Variants in SPIN1 observed in about 807,000 individuals in gnomAD.
The protein encoded by SPIN1 is spindlin-1.
In SPIN1, 3 loss-of-function variants were observed where a neutral mutation model predicts 26.0. The observed-to-expected ratio is 0.12, with a 90% CI of 0.05 to 0.30. The LOEUF is 0.30. Ranked by LOEUF, SPIN1 falls within the 10% of genes least tolerant of loss-of-function variation. SPIN1 has a pLI of 1.00. For missense variants in SPIN1, 126 were observed against 333.4 expected (o/e 0.38, Z 4.84); for synonymous variants, 101 against 116.5 (o/e 0.87, Z 0.86).
At chr9:88,428,749 A>T (rs1189018231) in intron 2 of SPIN1, among the ~76,000 whole-genome samples, 1 of 152,192 alleles carries the variant, frequency 6.6e-6, no homozygotes, top group Non-Finnish European at 1.5e-5. Context: ...CTTAAAGACA[A>T]AATAGGTTCT....
At chr9:88,470,302 C>A (rs1458547435) in intron 5 of SPIN1, among the ~76,000 whole-genome samples, 2 of 152,268 alleles carry the variant, frequency 1.3e-5, no homozygotes, top group South Asian at 2.1e-4. Context: ...TCTGTGTGGA[C>A]ATGTTTTATT....
At chr9:88,444,548 T>C (rs114434993) in intron 2 of SPIN1, among the ~76,000 whole-genome samples, 4,539 of 150,098 alleles carry the variant, frequency 0.03, 172 homozygotes, top group African/African-American at 0.095. Flanking sequence ...CGGCCCCCAT[T>C]CTGTTTTTAT....
At chr9:88,442,844 G>A (rs1828164161) in intron 2 of SPIN1, among the ~76,000 whole-genome samples, 1 of 152,112 alleles carries the variant, frequency 6.6e-6, no homozygotes, top group African/African-American at 2.4e-5. Flanking sequence ...AGTCTTAGCT[G>A]GGTATGGTGG....
At chr9:88,392,604 C>T (rs1419980320) in intron 1 of SPIN1, among the ~76,000 whole-genome samples, 4 of 151,664 alleles carry the variant, frequency 2.6e-5, no homozygotes, top group Non-Finnish European at 5.9e-5. Flanking sequence ...TCCTTCCTTC[C>T]CTCCTTCCTT....
At chr9:88,457,735 C>A in intron 3 of SPIN1, 1 of 700,026 alleles carries the variant, frequency 1.4e-6, no homozygotes, top group Non-Finnish European at 1.8e-6. Flanking sequence ...TAATTTGAGG[C>A]TTGCAAAAAT....
rs74745728 is a variant in SPIN1, at chr9:88,463,185, T to G, written c.355+436T>G. 7.4e-3 allele frequency among the ~76,000 whole-genome samples: 1,121 copies of G among 152,278 alleles called. 12 individuals are homozygous for G. The highest frequency in any genetic ancestry group is 0.025 in the African/African-American group (1,048 of 41,566). On this transcript the variant is annotated intron_variant, in intron 4 of 5. Transcript: ENST00000375859. ...TGATAATTGTACTTTGAGCCAAAAT[T>G]TAAACAACCAAAACGTGGTCTTTAT...
intron 2 of SPIN1, among the ~76,000 whole-genome samples, chr9:88,445,783 C>T (rs1381982339): frequency 6.6e-6 from 1 of 151,866 alleles, no homozygotes; most frequent in African/African-American, 2.4e-5. Flanking sequence ...AAATCATCCA[C>T]CAGCCTTGGC....
chr9:88,392,678 C>T (rs866856343), intron 1 of SPIN1, among the ~76,000 whole-genome samples: 4 of 151,972 alleles, frequency 2.6e-5, no homozygotes, highest in African/African-American at 7.3e-5. Flanking sequence ...CTACTATTTT[C>T]TATCTATCCT....
chr9:88,447,292 A>C (rs967020572), intron 2 of SPIN1, among the ~76,000 whole-genome samples: 3 of 152,076 alleles, frequency 2.0e-5, no homozygotes, highest in African/African-American at 7.2e-5. Context: ...ATTTTAACAT[A>C]TTTATTAATG....
In SPIN1 at chr9:88,475,291, C is replaced by T; in HGVS notation, c.*14C>T. ...AAAACATCCTAGATGTCATCACAAA[C>T]TCTGCCAAATTTGTGGAACTATGAA... On this transcript the variant is annotated 3_prime_UTR_variant, in exon 6 of 6. Transcript: ENST00000375859. The T allele has an allele frequency of 6.2e-7, 1 of 1,606,466 alleles. No individual in the cohort carries two copies. The highest frequency in any genetic ancestry group is 8.5e-7 in the Non-Finnish European group (1 of 1,174,652).
intron 4 of SPIN1, among the ~76,000 whole-genome samples, chr9:88,467,930 G>C (rs1016194280): frequency 6.6e-6 from 1 of 151,276 alleles, no homozygotes; most frequent in African/African-American, 2.4e-5. Context: ...TATGTAAGAT[G>C]CTAATACAGG....
At chr9:88,407,958 G>A (rs538822065) in intron 1 of SPIN1, among the ~76,000 whole-genome samples, 76 of 151,790 alleles carry the variant, frequency 5.0e-4, no homozygotes, top group Middle Eastern at 6.8e-3. Context: ...AGACAGATAG[G>A]GTTTCGCCAT....
intron 1 of SPIN1, among the ~76,000 whole-genome samples, chr9:88,421,683 T>C (rs1478844611): frequency 6.7e-6 from 1 of 150,166 alleles, no homozygotes; most frequent in African/African-American, 2.5e-5. Context: ...TAGTCTCTTT[T>C]AGTCTAGAGC....
intron 2 of SPIN1, among the ~76,000 whole-genome samples, chr9:88,429,739 T>C (rs1827829411): frequency 6.6e-6 from 1 of 152,124 alleles, no homozygotes; most frequent in South Asian, 2.1e-4. Flanking sequence ...TCAGTGGCCA[T>C]TGATGATCAG....
intron 1 of SPIN1, among the ~76,000 whole-genome samples, chr9:88,422,529 T>G (rs1456045909): frequency 6.6e-6 from 1 of 152,226 alleles, no homozygotes; most frequent in Non-Finnish European, 1.5e-5. Flanking sequence ...GGGTTTTCAT[T>G]AGTTAGCACT....
At chr9:88,427,609 TTTTC>T (rs1338695548) in intron 2 of SPIN1, among the ~76,000 whole-genome samples, 11 of 152,024 alleles carry the variant, frequency 7.2e-5, no homozygotes, top group African/African-American at 2.7e-4. Context: ...TCTCTCTTTT[TTTTC>T]TTTTTTTTTT....
At chr9:88,464,920 A>T (rs899015668) in intron 4 of SPIN1, among the ~76,000 whole-genome samples, 1 of 135,990 alleles carries the variant, frequency 7.4e-6, no homozygotes, top group African/African-American at 2.7e-5. Flanking sequence ...CTTTCCTCCC[A>T]TTCCCAGCCC....
chr9:88,468,272 A>G, intron 4 of SPIN1, 100 bp from the exon 5 acceptor site: 1 of 864,566 alleles, frequency 1.2e-6, no homozygotes, highest in South Asian at 2.2e-5. Flanking sequence ...CGTTGCATGG[A>G]CAAAATTTCA....
chr9:88,453,537 CT>C (rs562608694), intron 3 of SPIN1, among the ~76,000 whole-genome samples: 1,902 of 145,236 alleles, frequency 0.013, 37 homozygotes, highest in African/African-American at 0.038. Flanking sequence ...GGAATGGTAT[CT>C]TTTTTTTTTT....
Sources: allele counts gnomAD v4.1 joint callset (sites outside exome capture counted in the v4.1 genomes callset), GRCh38; gene constraint gnomAD v4.1.1; transcripts MANE v1.5; gene names NCBI Gene and HGNC (gene_info 2026-07-23, HGNC 2026-07-21).